Variants in THUMPD1 observed in about 807,000 individuals in gnomAD.
THUMPD1 encodes the protein THUMP domain 1 NAT10 acetyltransferase adaptor.
THUMPD1 carries 31 observed loss-of-function variants against 31.6 expected under a neutral mutation model. The observed-to-expected ratio is 0.98, with a 90% CI of 0.74 to 1.32. THUMPD1 has a LOEUF of 1.32. Among genes scored for constraint, THUMPD1 ranks in the 40% most tolerant of loss-of-function variants. The pLI, the probability that THUMPD1 is intolerant of heterozygous loss-of-function variation, is 0.00. For synonymous variants in THUMPD1, 166 were observed against 158.2 expected (o/e 1.05, Z -0.37); for missense variants, 446 against 427.8 (o/e 1.04, Z -0.38).
Position 20,741,626 on chromosome 16 carries a change from C to A in THUMPD1, c.114G>T (p.Gln38His). The A allele has an allele frequency of 1.9e-6, 3 of 1,574,056 alleles. No individual in the cohort carries two copies. Among genetic ancestry groups the A allele is most frequent in the Admixed American group, 1.8e-5 (1 of 54,150 alleles). Residue 38 changes from glutamine to histidine, a missense_variant, in exon 1 of 4, where the codon CAG (glutamine) becomes CAT (histidine). By Grantham distance (24) the Gln-to-His change is conservative. Coordinates refer to ENST00000396083, the MANE Select transcript of THUMPD1 (RefSeq NM_017736.5). Reference sequence around the variant, plus strand: ...GGATGCCCTGTAGCCCGGGCTCTAGCTGACGGGGCCCGCCAGCGTCGCAGC... The same window carrying A: ...GGATGCCCTGTAGCCCGGGCTCTAGATGACGGGGCCCGCCAGCGTCGCAGC... ...ARRCDAGGPR[Q>H]LEPGLQGILI... is the part of the protein sequence containing the mutation.
At position 20,739,022 on chromosome 16, in the gene THUMPD1, T is replaced by A; in HGVS notation, c.281A>T (p.Asp94Val). 6.2e-7 allele frequency: 1 copy of A among 1,614,216 alleles called. No homozygotes were observed. Reference protein sequence around the residue: ...QPSGSEGEDDDAEAALKKEVG... With the variant: ...QPSGSEGEDDVAEAALKKEVG... ...TTCTTTCTTCAAGGCAGCCTCCGCA[T>A]CATCATCCTCTCCCTCACTTCCAGA... is the stretch of plus-strand genomic sequence containing the variant. Residue 94 changes from aspartate (D) to valine (V), a missense_variant, in exon 2 of 4, where the codon GAT becomes GTT. By Grantham distance (152) the Asp-to-Val change is radical (BLOSUM62 -3). Transcript: ENST00000396083.
At chr16:20,739,176 A>ATT (rs34908456) in intron 1 of THUMPD1, 105 bp from the exon 2 acceptor site, 160 of 792,802 alleles carry the variant, frequency 2.0e-4, no homozygotes, top group East Asian at 3.1e-4. Flanking sequence ...CTCAGTATTG[A>ATT]TTTTTTTTTT....
chr16:20,738,948 A>T lies in THUMPD1; in HGVS notation c.355T>A (p.Ser119Thr). 6.2e-7 allele frequency: 1 copy of T among 1,614,196 alleles called. No individual in the cohort carries two copies. Among genetic ancestry groups the T allele is most frequent in the East Asian group, 2.2e-5 (1 of 44,892 alleles). Residue 119 changes from serine to threonine, a missense_variant, in exon 2 of 4, where the codon TCA becomes ACA. Ser to Thr is a moderately conservative substitution (Grantham distance 58). Transcript: ENST00000396083. ...STEMRLRRFQ[S>T]VESGANNVVF... is the part of the protein sequence containing the mutation. ...ACGTTATTTGCTCCACTTTCCACTG[A>T]CTGGAATCTTCTTAACCTCATCTCT...
At position 20,738,055 on chromosome 16, in the gene THUMPD1, G is replaced by T. The variant is rs1012344991; in HGVS notation, c.407-99C>A. 51 of 1,145,092 alleles carry T rather than the reference G, an allele frequency of 4.5e-5. No individual in the cohort carries two copies. In the Admixed American group the frequency reaches 5.2e-4, roughly 12 times the overall value. 70.9% of individuals were successfully genotyped at this position (1,145,092 alleles called of 1,614,324 possible). A position where few individuals can be genotyped will look rare whatever the true frequency, so the allele number is the denominator to read the frequency against. ...CTGGCAATGACATAAGTTGACAGAAGAAATTCTCATAATGAATTTTAAATG... is the reference window on the plus strand; with the variant it reads ...CTGGCAATGACATAAGTTGACAGAATAAATTCTCATAATGAATTTTAAATG... On this transcript the variant is annotated intron_variant, in intron 2 of 3. Transcript: ENST00000396083.
chr16:20,741,423 T>G, intron 1 of THUMPD1, 86 bp downstream of exon 1: 2 of 1,431,616 alleles, frequency 1.4e-6, no homozygotes, highest in Non-Finnish European at 1.8e-6. Flanking sequence ...GAGGCGCGCA[T>G]GCCCATACCA....
At position 20,736,237 on chromosome 16, in the gene THUMPD1, A is replaced by G. The variant is rs1488527143; in HGVS notation, c.*643T>C. On this transcript the variant is annotated 3_prime_UTR_variant, in exon 4 of 4. Transcript: ENST00000396083. ...CCTTGTTGCACTAGTATACTGAAGT[A>G]TACTCAGAAGACTGAAGTTCTTCAT... The G allele has an allele frequency of 1.3e-5, 2 of 152,342 alleles. No individual in the cohort carries two copies. Among genetic ancestry groups the G allele is most frequent in the Non-Finnish European group, 2.9e-5 (2 of 68,160 alleles). 9.4% of individuals were successfully genotyped at this position (152,342 alleles called of 1,614,324 possible). A position where few individuals can be genotyped will look rare whatever the true frequency, so the allele number is the denominator to read the frequency against.
In THUMPD1 at chr16:20,738,893, A is replaced by T; in HGVS notation, c.406+4T>A. ...TCGATAATCTTAGCAAGTATTTGTC[A>T]CACCTATCCCAAGTGTCCTGATGAA... On this transcript the variant is annotated splice_donor_region_variant and intron_variant, in intron 2 of 3. Transcript: ENST00000396083. 1 of 1,613,772 alleles carries T rather than the reference A, an allele frequency of 6.2e-7. No homozygotes were observed. The highest frequency in any genetic ancestry group is 8.5e-7 in the Non-Finnish European group (1 of 1,179,788).
In THUMPD1 at chr16:20,736,864, A is replaced by G; in HGVS notation, c.*16T>C. 6.2e-7 allele frequency: 1 copy of G among 1,610,322 alleles called. No homozygotes were observed. On this transcript the variant is annotated 3_prime_UTR_variant, in exon 4 of 4. Transcript: ENST00000396083. ...AGCCCCAGGTGAGAAACCCACCTCC[A>G]ACACCAAATGACTTCCTATGAGAAG...
chr16:20,741,479 C>CGGGGGGGGGGGGGGGGGGG, intron 1 of THUMPD1, 30 bp downstream of exon 1: 5 of 1,329,520 alleles, frequency 3.8e-6, no homozygotes, highest in East Asian at 6.2e-5. Flanking sequence ...GCCTGGCAGC[C>CGGGGGGGGGGGGGGGGGGG]GGCCCGCCCG....
At chr16:20,741,478 C>CCGGGGGGGGG in intron 1 of THUMPD1, 31 bp downstream of exon 1, 2 of 1,336,926 alleles carry the variant, frequency 1.5e-6, no homozygotes, top group Non-Finnish European at 1.9e-6. Context: ...GGCCTGGCAG[C>CCGGGGGGGGG]CGGCCCGCCC....
At position 20,736,816 on chromosome 16, in the gene THUMPD1, G is replaced by T; in HGVS notation, c.*64C>A. 6.6e-7 allele frequency: 1 copy of T among 1,525,796 alleles called. No homozygotes were observed. The highest frequency in any genetic ancestry group is 1.2e-5 in the South Asian group (1 of 82,536). 94.5% of individuals were successfully genotyped at this position (1,525,796 alleles called of 1,614,324 possible). A position where few individuals can be genotyped will look rare whatever the true frequency, so the allele number is the denominator to read the frequency against. On this transcript the variant is annotated 3_prime_UTR_variant, in exon 4 of 4. Coordinates refer to ENST00000396083, the MANE Select transcript of THUMPD1 (RefSeq NM_017736.5). ...ACTGTTTTTAGTCACAATTTAAGGTGGAGCCCCAGCAACATCTCGTAGAGC... is the reference window on the plus strand; with the variant it reads ...ACTGTTTTTAGTCACAATTTAAGGTTGAGCCCCAGCAACATCTCGTAGAGC...
rs1250511049 is a variant in THUMPD1 at position 20,741,728 on chromosome 16, A to G, written c.12T>C (p.Pro4=). Residue 4 remains proline, a synonymous_variant, in exon 1 of 4, where the codon CCT becomes CCC. Coordinates refer to ENST00000396083, the MANE Select transcript of THUMPD1 (RefSeq NM_017736.5). MAA[P]AQQTTQPGGG... ...CGCCAGGCTGAGTAGTCTGCTGGGCAGGGGCCGCCATGGTGTGCGCAAACT... is the reference window on the plus strand; with the variant it reads ...CGCCAGGCTGAGTAGTCTGCTGGGCGGGGGCCGCCATGGTGTGCGCAAACT... 2 of 1,572,220 alleles carry G rather than the reference A, an allele frequency of 1.3e-6. No homozygotes were observed. Among genetic ancestry groups the G allele is most frequent in the Non-Finnish European group, 1.7e-6 (2 of 1,158,404 alleles).
Position 20,736,986 on chromosome 16 carries a change from G to A in THUMPD1, c.956C>T (p.Thr319Ile). 1.9e-6 allele frequency: 3 copies of A among 1,614,112 alleles called. No homozygotes were observed. Among genetic ancestry groups the A allele is most frequent in the Non-Finnish European group, 2.5e-6 (3 of 1,180,026 alleles). ...VPENTEELGQTKPTSNPQVVN... is the reference protein window; with the variant it reads ...VPENTEELGQIKPTSNPQVVN... ...CACCTGTGGATTAGACGTTGGTTTT[G>A]TCTGCCCCAGCTCCTCAGTATTCTC... is the stretch of plus-strand genomic sequence containing the variant. Residue 319 changes from threonine (T) to isoleucine (I), a missense_variant, in exon 4 of 4, where the codon ACA (threonine) becomes ATA (isoleucine). Coordinates refer to ENST00000396083, the MANE Select transcript of THUMPD1 (RefSeq NM_017736.5).
rs1395587613 is a variant in THUMPD1, at chr16:20,735,762, C to A, written c.*1118G>T. The A allele has an allele frequency of 6.6e-6, 1 of 152,188 alleles. No individual in the cohort carries two copies. The allele number at this position is 152,188 out of a possible 1,614,324, so 9.4% of individuals were successfully genotyped here. ...TTAGTGAAACCTGTTGACTCATCAT[C>A]CTGGATAGAGAAGCTGCTACTTTTC... On this transcript the variant is annotated 3_prime_UTR_variant, in exon 4 of 4. Coordinates refer to ENST00000396083, the MANE Select transcript of THUMPD1 (RefSeq NM_017736.5).
Position 20,733,897 on chromosome 16 carries a change from G to A in THUMPD1, c.*2983C>T, listed in dbSNP as rs1346048740. 6.6e-6 allele frequency: 1 copy of A among 151,664 alleles called. No individual in the cohort carries two copies. The highest frequency in any genetic ancestry group is 1.5e-5 in the Non-Finnish European group (1 of 67,908). The allele number at this position is 151,664 out of a possible 1,614,324, so 9.4% of individuals were successfully genotyped here. On this transcript the variant is annotated 3_prime_UTR_variant, in exon 4 of 4. Transcript: ENST00000396083. ...CAGTTTTTTTATTTTTTTAACTGAC[G>A]TAATTTTTTAAAAGAAAAAACAAAA... is the stretch of plus-strand genomic sequence containing the variant.
At position 20,734,361 on chromosome 16, in the gene THUMPD1, T is replaced by C. The variant is rs1227109971; in HGVS notation, c.*2519A>G. 1 of 152,612 alleles carries C rather than the reference T, an allele frequency of 6.6e-6. No individual in the cohort carries two copies. Among genetic ancestry groups the C allele is most frequent in the Non-Finnish European group, 1.5e-5 (1 of 68,030 alleles). The allele number at this position is 152,612 out of a possible 1,614,324, so 9.5% of individuals were successfully genotyped here. On this transcript the variant is annotated 3_prime_UTR_variant, in exon 4 of 4. Coordinates refer to ENST00000396083, the MANE Select transcript of THUMPD1 (RefSeq NM_017736.5). ...CTAACTGATATTAATAATCCTCTTA[T>C]CAATCATTGCAAGGTAACTTCAATG...
At chr16:20,740,579 TTAAAG>T (rs1407673919) in intron 1 of THUMPD1, among the ~76,000 whole-genome samples, 4 of 152,358 alleles carry the variant, frequency 2.6e-5, no homozygotes, top group South Asian at 2.1e-4. Context: ...CTAGCCAGTC[TTAAAG>T]TATTCTCTTT....
At chr16:20,740,946 G>A (rs577208935) in intron 1 of THUMPD1, among the ~76,000 whole-genome samples, 1 of 152,308 alleles carries the variant, frequency 6.6e-6, no homozygotes, top group South Asian at 2.1e-4. Context: ...TCAGCACACC[G>A]CCTGGCCCTC....
chr16:20,737,900 T>G lies in THUMPD1; in HGVS notation c.463A>C (p.Lys155Gln). The G allele has an allele frequency of 6.2e-7, 1 of 1,613,868 alleles. No homozygotes were observed. The highest frequency in any genetic ancestry group is 8.5e-7 in the Non-Finnish European group (1 of 1,179,902). Reference protein sequence around the residue: ...LQDMYKTKKKKTRVILRMLPI... With the variant: ...LQDMYKTKKKQTRVILRMLPI... Reference sequence around the variant, plus strand: ...AACATTCGCAAAATAACTCGAGTCTTCTTTTTCTTGGTTTTGTACATATCC... The same window carrying G: ...AACATTCGCAAAATAACTCGAGTCTGCTTTTTCTTGGTTTTGTACATATCC... Residue 155 changes from lysine (K) to glutamine (Q), a missense_variant, in exon 3 of 4, where the codon AAG becomes CAG. Physicochemically the swap from Lys to Gln is moderately conservative, Grantham distance 53 (BLOSUM62 1). Transcript: ENST00000396083.
Sources: gnomAD v4.1 joint callset for allele counts (sites outside exome capture counted in the v4.1 genomes callset) on GRCh38, gnomAD v4.1.1 for gene constraint, MANE v1.5 for transcripts, NCBI Gene and HGNC (gene_info 2026-07-23, HGNC 2026-07-21) for gene names.